PDE3B: variants seen among roughly 807,000 people sequenced by gnomAD.
PDE3B encodes the protein cGMP-inhibited 3',5'-cyclic phosphodiesterase 3B.
Under a neutral mutation model 116.8 loss-of-function variants are expected in PDE3B, and 66 were observed. The observed-to-expected ratio is 0.56, with a 90% CI of 0.46 to 0.69. The LOEUF is 0.69. Ranked by LOEUF, PDE3B falls within the 30% of genes least tolerant of loss-of-function variation. The probability of loss-of-function intolerance (pLI) is 0.00; values close to 1 mark genes in which losing one functional copy is unlikely to be tolerated. For missense variants in PDE3B, 1,384 were observed against 1,368.1 expected (o/e 1.01, Z -0.18); for synonymous variants, 595 against 533.6 (o/e 1.12, Z -1.59).
At chr11:14,736,959 A>T (rs956078328) in intron 1 of PDE3B, among the ~76,000 whole-genome samples, 2 of 152,204 alleles carry the variant, frequency 1.3e-5, no homozygotes, top group African/African-American at 4.8e-5. Flanking sequence ...TAATTGTGAC[A>T]GATTGACTTT....
At chr11:14,817,443 GA>G (rs906324142) in intron 5 of PDE3B, among the ~76,000 whole-genome samples, 1 of 150,672 alleles carries the variant, frequency 6.6e-6, no homozygotes, top group African/African-American at 2.4e-5. Flanking sequence ...AATTAAAAAA[GA>G]AAAAAAAAGA....
the PDE3B span, chr11:14,891,017 G>A: frequency 1.0e-6 from 1 of 985,314 alleles, no homozygotes; most frequent in African/African-American, 1.7e-5. Flanking sequence ...CTCCTTAAAA[G>A]GCTGTATCTG....
chr11:14,811,607 T>C (rs1185873539), intron 5 of PDE3B, among the ~76,000 whole-genome samples: 1 of 152,170 alleles, frequency 6.6e-6, no homozygotes, highest in East Asian at 1.9e-4. Context: ...TGGCTTAGGA[T>C]TGGCTTGGCG....
chr11:14,798,925 A>G (rs879162723), intron 4 of PDE3B, among the ~76,000 whole-genome samples: 1 of 151,582 alleles, frequency 6.6e-6, no homozygotes, highest in African/African-American at 2.4e-5. Context: ...TCGTGTCTCT[A>G]TCTCCTTCAG....
chr11:14,685,266 C>T (rs948678029), intron 1 of PDE3B, among the ~76,000 whole-genome samples: 4 of 151,988 alleles, frequency 2.6e-5, no homozygotes, highest in East Asian at 1.9e-4. Flanking sequence ...CCGGTCCCTC[C>T]GTTCAGTGTC....
chr11:14,875,837 A>G (rs1463420792), downstream of PDE3B, among the ~76,000 whole-genome samples: 3 of 152,174 alleles, frequency 2.0e-5, no homozygotes, highest in Non-Finnish European at 4.4e-5. Context: ...ACATTAAGTG[A>G]AGTTAAGGCC....
At chr11:14,774,612 A>G (rs1214622524) in intron 2 of PDE3B, 2 of 152,228 alleles carry the variant, frequency 1.3e-5, no homozygotes, top group Non-Finnish European at 2.9e-5. Flanking sequence ...CATTTAAAAC[A>G]TAAAAACTAT....
intron 1 of PDE3B, among the ~76,000 whole-genome samples, chr11:14,721,466 C>T (rs1341999224): frequency 6.6e-6 from 1 of 151,504 alleles, no homozygotes; most frequent in Non-Finnish European, 1.5e-5. Flanking sequence ...TATAAAGACA[C>T]ATGCACACGT....
chr11:14,786,315 T>A, intron 2 of PDE3B, 122 bp from the exon 3 acceptor site: 1 of 672,480 alleles, frequency 1.5e-6, no homozygotes, highest in Non-Finnish European at 2.3e-6. Context: ...AAGAAAAAAA[T>A]TAAAGTTCAC....
At chr11:14,855,265 C>T (rs1282203199) in intron 12 of PDE3B, among the ~76,000 whole-genome samples, 3 of 151,476 alleles carry the variant, frequency 2.0e-5, no homozygotes, top group African/African-American at 7.3e-5. Flanking sequence ...TCACTAAGTG[C>T]CAGGAAAGTT....
intron 3 of PDE3B, among the ~76,000 whole-genome samples, chr11:14,787,291 C>G (rs746896826): frequency 6.6e-6 from 1 of 151,808 alleles, no homozygotes; most frequent in Admixed American, 6.6e-5. Context: ...TATCCTTGTT[C>G]AGAGTGCTTT....
At chr11:14,887,597 T>G in the PDE3B span, 1 of 985,230 alleles carries the variant, frequency 1.0e-6, no homozygotes, top group African/African-American at 1.7e-5. Flanking sequence ...CTGGCAGAGA[T>G]GTAAACAGGA....
intron 5 of PDE3B, among the ~76,000 whole-genome samples, chr11:14,809,712 T>C (rs1859065140): frequency 6.6e-6 from 1 of 152,266 alleles, no homozygotes; most frequent in South Asian, 2.1e-4. Context: ...AAAAGAGGCC[T>C]GAGGAAGCTA....
chr11:14,667,527 T>C (rs1161720262), intron 1 of PDE3B, among the ~76,000 whole-genome samples: 2 of 151,818 alleles, frequency 1.3e-5, no homozygotes, highest in Admixed American at 6.6e-5. Flanking sequence ...GATGAGTTCA[T>C]GGCCTTCGTA....
chr11:14,772,047 ATC>A, intron 2 of PDE3B, 60 bp downstream of exon 2: 1 of 744,984 alleles, frequency 1.3e-6, no homozygotes, highest in Non-Finnish European at 2.2e-6. Flanking sequence ...ACTAAATAAT[ATC>A]TGTGATGCAA....
At chr11:14,834,193 T>C (rs1859984036) in intron 10 of PDE3B, among the ~76,000 whole-genome samples, 1 of 152,236 alleles carries the variant, frequency 6.6e-6, no homozygotes, top group Admixed American at 6.5e-5. Context: ...TTTTATCTAC[T>C]AATGCATACA....
intron 1 of PDE3B, among the ~76,000 whole-genome samples, chr11:14,709,217 A>G (rs775656455): frequency 2.0e-5 from 3 of 152,164 alleles, no homozygotes; most frequent in Non-Finnish European, 4.4e-5. Flanking sequence ...TTGAGAATTC[A>G]GAATTGGAGA....
At chr11:14,664,630 T>G (rs1367826281) in intron 1 of PDE3B, among the ~76,000 whole-genome samples, 2 of 152,188 alleles carry the variant, frequency 1.3e-5, no homozygotes, top group East Asian at 3.8e-4. Flanking sequence ...CAGAGGATAC[T>G]ACAAACAGCT....
At chr11:14,645,564 G>C (rs569585818) in intron 1 of PDE3B, among the ~76,000 whole-genome samples, 1 of 152,288 alleles carries the variant, frequency 6.6e-6, no homozygotes, top group East Asian at 1.9e-4. Context: ...AGATTTTATC[G>C]TTACAAGACA....
Sources: allele counts gnomAD v4.1 joint callset (sites outside exome capture counted in the v4.1 genomes callset), GRCh38; gene constraint gnomAD v4.1.1; transcripts MANE v1.5; gene names NCBI Gene and HGNC (gene_info 2026-07-23, HGNC 2026-07-21).